Variants in DIPK1A observed in about 807,000 individuals in gnomAD.
The protein encoded by DIPK1A is family with sequence similarity 69 member A.
A neutral mutation model predicts 40.8 loss-of-function variants in DIPK1A; 27 were observed. That is an observed-to-expected ratio of 0.66 (90% confidence interval 0.49 to 0.91). DIPK1A has a LOEUF of 0.91. DIPK1A is among the 40% of genes least tolerant of loss of function. The pLI is 0.00. For missense variants in DIPK1A, 412 were observed against 505.7 expected, an observed-to-expected ratio of 0.81 and a Z score of 1.78; for synonymous variants, 166 against 171.3, an observed-to-expected ratio of 0.97 and a Z score of 0.24.
chr1:92,894,149 G>A (rs925045902), intron 1 of DIPK1A, among the ~76,000 whole-genome samples: 516 of 152,128 alleles, frequency 3.4e-3, no homozygotes, highest in African/African-American at 0.011. Context: ...TGCACCAAGC[G>A]GACCTAATAG....
intron 1 of DIPK1A, among the ~76,000 whole-genome samples, chr1:92,903,964 G>A (rs1649513696): frequency 1.3e-5 from 2 of 152,144 alleles, no homozygotes; most frequent in African/African-American, 4.8e-5. Context: ...TTTTAGAAGA[G>A]CCTAAAAATC....
rs557770871 is a variant in DIPK1A, at chr1:92,865,231, C to T, written c.189+11065G>A. ...TTTAAAAATTAGCTGGGCATGGTAG[C>T]TCATGCCTGTAGTCTCAGCTACTTG... On this transcript the variant is annotated intron_variant, in intron 2 of 4. Coordinates refer to ENST00000370310, the MANE Select transcript of DIPK1A (RefSeq NM_001006605.5). 2.4e-4 allele frequency among the ~76,000 whole-genome samples: 36 copies of T among 151,702 alleles called. No individual in the cohort carries two copies. The Middle Eastern group carries it at 0.017, about 72-fold the overall frequency.
intron 1 of DIPK1A, among the ~76,000 whole-genome samples, chr1:92,926,925 T>C (rs576989495): frequency 4.6e-5 from 7 of 152,344 alleles, no homozygotes; most frequent in Non-Finnish European, 8.8e-5. Flanking sequence ...AGTTGGGCAA[T>C]GCTTTTATCC....
intron 1 of DIPK1A, among the ~76,000 whole-genome samples, chr1:92,949,336 G>T (rs901196317): frequency 6.6e-6 from 1 of 151,678 alleles, no homozygotes; most frequent in Admixed American, 6.6e-5. Context: ...GTGCAATGGC[G>T]CAATCTCAGC....
chr1:92,841,957 T>A, downstream of DIPK1A: 1 of 1,064,382 alleles, frequency 9.4e-7, no homozygotes, highest in Non-Finnish European at 1.4e-6. Flanking sequence ...TTATGAACCT[T>A]ATAGGAAATA....
At chr1:92,900,065 A>C (rs1401533984) in intron 1 of DIPK1A, among the ~76,000 whole-genome samples, 1 of 150,704 alleles carries the variant, frequency 6.6e-6, no homozygotes, top group Admixed American at 6.6e-5. Flanking sequence ...TTTGTTTTTG[A>C]CTTTTGACAA....
At chr1:92,950,306 G>A (rs1557498328) in intron 1 of DIPK1A, among the ~76,000 whole-genome samples, 1 of 152,194 alleles carries the variant, frequency 6.6e-6, no homozygotes, top group Non-Finnish European at 1.5e-5. Context: ...AGTTTTTCAG[G>A]ATTGATAGAG....
At chr1:92,860,260 C>T (rs1215819316) in intron 2 of DIPK1A, among the ~76,000 whole-genome samples, 1 of 152,062 alleles carries the variant, frequency 6.6e-6, no homozygotes, top group African/African-American at 2.4e-5. Flanking sequence ...CTGATGAAAA[C>T]ACAGTTTGCT....
intron 1 of DIPK1A, among the ~76,000 whole-genome samples, chr1:92,907,482 C>T (rs1314013050): frequency 6.6e-6 from 1 of 152,002 alleles, no homozygotes; most frequent in African/African-American, 2.4e-5. Context: ...CTCTGTGGCA[C>T]AGGCTGGAGT....
At position 92,876,316 on chromosome 1, in the gene DIPK1A, T is replaced by C; in HGVS notation, c.169A>G (p.Lys57Glu). Residue 57 changes from lysine (K) to glutamate (E), a missense_variant, in exon 2 of 5, where the codon AAG becomes GAG. Coordinates refer to ENST00000370310, the MANE Select transcript of DIPK1A (RefSeq NM_001006605.5). ...YSTYTELCRG[K>E]DCKKIICDKY... Reference sequence around the variant, plus strand: ...CTTACTATTATTTTCTTACAGTCCTTTCCTCTGCATAATTCTGTATAGGTA... The same window carrying C: ...CTTACTATTATTTTCTTACAGTCCTCTCCTCTGCATAATTCTGTATAGGTA... 1 of 1,573,854 alleles carries C rather than the reference T, an allele frequency of 6.4e-7. No homozygotes were observed. Among genetic ancestry groups the C allele is most frequent in the South Asian group, 1.2e-5 (1 of 84,424 alleles).
intron 1 of DIPK1A, among the ~76,000 whole-genome samples, chr1:92,925,571 G>A (rs1650462133): frequency 6.6e-6 from 1 of 152,006 alleles, no homozygotes; most frequent in Non-Finnish European, 1.5e-5. Flanking sequence ...TCGGCTCACT[G>A]CAACCTCCAC....
chr1:92,853,508 C>T (rs1687886761), intron 2 of DIPK1A, among the ~76,000 whole-genome samples: 1 of 152,204 alleles, frequency 6.6e-6, no homozygotes, highest in African/African-American at 2.4e-5. Context: ...GGTGCAATGC[C>T]AGCGGAGGCT....
In DIPK1A at chr1:92,937,595, C is replaced by T. The variant is rs186618655; in HGVS notation, c.54+23781G>A. ...TAGTGGTGAATGAACCAACTATTGC[C>T]AAAGTTGCTTTTTTGGACAATGCTG... is the stretch of plus-strand genomic sequence containing the variant. On this transcript the variant is annotated intron_variant, in intron 1 of 4. Coordinates refer to ENST00000370310, the MANE Select transcript of DIPK1A (RefSeq NM_001006605.5). 4.3e-4 allele frequency among the ~76,000 whole-genome samples: 65 copies of T among 152,198 alleles called. 1 individual carries two copies. Among genetic ancestry groups the T allele is most frequent in the African/African-American group, 1.6e-3 (65 of 41,520 alleles).
At chr1:92,842,152 ACCAT>A, downstream of DIPK1A, 3 of 1,037,930 alleles carry the variant, frequency 2.9e-6, no homozygotes, top group Middle Eastern at 4.5e-4. Flanking sequence ...CAACAGACCA[ACCAT>A]CAGTGGGAAA....
intron 3 of DIPK1A, among the ~76,000 whole-genome samples, chr1:92,849,201 A>G (rs980597586): frequency 1.3e-5 from 2 of 152,088 alleles, no homozygotes; most frequent in Non-Finnish European, 2.9e-5. Flanking sequence ...TTCTCTATCA[A>G]TTTGCCCTCT....
At chr1:92,842,108 TATG>T (rs1182140240), downstream of DIPK1A, 21 of 798,002 alleles carry the variant, frequency 2.6e-5, no homozygotes, top group Non-Finnish European at 3.4e-5. Context: ...CCTTATGTTG[TATG>T]ATGAACAGCT....
chr1:92,952,307 T>C (rs1651664226), intron 1 of DIPK1A, among the ~76,000 whole-genome samples: 1 of 152,214 alleles, frequency 6.6e-6, no homozygotes, highest in Non-Finnish European at 1.5e-5. Context: ...ACAGACATTA[T>C]GATACTTTTT....
intron 1 of DIPK1A, among the ~76,000 whole-genome samples, chr1:92,908,908 T>C (rs1354784998): frequency 1.3e-5 from 2 of 152,176 alleles, no homozygotes; most frequent in South Asian, 4.1e-4. Context: ...GGACAGCTTC[T>C]ACCAGATGAT....
At chr1:92,832,820 T>A (rs1686962034) in exon 5 of DIPK1A, 4 of 587,082 alleles carry the variant, frequency 6.8e-6, no homozygotes, top group Non-Finnish European at 1.2e-5. Context: ...GGGGAATTAC[T>A]GCTGAATGTG....
Sources: allele counts gnomAD v4.1 joint callset (sites outside exome capture counted in the v4.1 genomes callset), GRCh38; gene constraint gnomAD v4.1.1; transcripts MANE v1.5; gene names NCBI Gene and HGNC (gene_info 2026-07-23, HGNC 2026-07-21).